Variants in SIPA1L3 observed in about 807,000 individuals in gnomAD.
SIPA1L3 encodes the protein signal-induced proliferation-associated 1-like protein 3.
Under a neutral mutation model 150.1 loss-of-function variants are expected in SIPA1L3, and 59 were observed. The ratio of observed to expected loss-of-function variants is 0.39; its 90% confidence interval spans 0.32 to 0.49. SIPA1L3 has a LOEUF of 0.49. SIPA1L3 is among the 20% of genes least tolerant of loss of function. SIPA1L3 has a pLI of 0.86. For synonymous variants in SIPA1L3, 1,070 were observed against 1,077.6 expected (o/e 0.99, Z 0.14); for missense variants, 2,211 against 2,489.5 (o/e 0.89, Z 2.38).
chr19:37,953,608 C>G (rs941451743), intron 1 of SIPA1L3, among the ~76,000 whole-genome samples: 4 of 152,168 alleles, frequency 2.6e-5, no homozygotes, highest in African/African-American at 4.8e-5. Context: ...CCCTTTTACT[C>G]GAATGAAAGG....
chr19:38,026,639 AGTT>A (rs1968516793), intron 1 of SIPA1L3, among the ~76,000 whole-genome samples: 1 of 152,006 alleles, frequency 6.6e-6, no homozygotes, highest in Non-Finnish European at 1.5e-5. Context: ...CACACTCCCC[AGTT>A]GTTCTTTTCC....
chr19:38,039,918 C>T (rs1386825229), intron 2 of SIPA1L3, among the ~76,000 whole-genome samples: 1 of 152,018 alleles, frequency 6.6e-6, no homozygotes, highest in Non-Finnish European at 1.5e-5. Flanking sequence ...GAGTTTGAGA[C>T]CAGCCAGGGC....
rs911315164 is a variant in SIPA1L3, at chr19:38,018,310, C to T, written c.-378-10779C>T. On this transcript the variant is annotated intron_variant, in intron 1 of 21. Coordinates refer to ENST00000222345, the MANE Select transcript of SIPA1L3 (RefSeq NM_015073.3). ...TGCAGAGTAGCTGGGATCACAAGCG[C>T]GCACCATCACGCCTGGCAAATTTTT... Among the ~76,000 whole-genome samples the T allele has an allele frequency of 4.6e-5, 7 of 151,790 alleles. No homozygotes were observed. The South Asian group carries it at 6.3e-4, about 14-fold the overall frequency.
chr19:38,061,856 G>A (rs1198030958), intron 2 of SIPA1L3, among the ~76,000 whole-genome samples: 2 of 150,780 alleles, frequency 1.3e-5, no homozygotes, highest in East Asian at 3.9e-4. Context: ...TTGGTTATCT[G>A]GTTGGTTTGG....
At chr19:38,057,000 G>A (rs915253293) in intron 2 of SIPA1L3, among the ~76,000 whole-genome samples, 20 of 152,154 alleles carry the variant, frequency 1.3e-4, no homozygotes, top group Non-Finnish European at 2.5e-4. Flanking sequence ...ACCGGGCGCG[G>A]TGGCTCAACG....
At chr19:38,009,947 A>G (rs977502651) in intron 1 of SIPA1L3, among the ~76,000 whole-genome samples, 1 of 152,136 alleles carries the variant, frequency 6.6e-6, no homozygotes, top group African/African-American at 2.4e-5. Flanking sequence ...TGTTTCTCAC[A>G]GGTGTTTGCC....
chr19:38,170,838 G>A (rs1972312279), intron 15 of SIPA1L3, among the ~76,000 whole-genome samples: 1 of 152,046 alleles, frequency 6.6e-6, no homozygotes, highest in African/African-American at 2.4e-5. Flanking sequence ...AAGGATGAGG[G>A]GGACAGGGAG....
At chr19:37,942,346 CTG>C (rs1478334023) in intron 1 of SIPA1L3, among the ~76,000 whole-genome samples, 1 of 151,698 alleles carries the variant, frequency 6.6e-6, no homozygotes, top group East Asian at 1.9e-4. Context: ...GGCTGGAAAA[CTG>C]GGGTCGTTGG....
chr19:38,020,935 G>A (rs1968360292), intron 1 of SIPA1L3, among the ~76,000 whole-genome samples: 1 of 152,116 alleles, frequency 6.6e-6, no homozygotes, highest in African/African-American at 2.4e-5. Context: ...CGAGTAGCTG[G>A]GACTACAGGC....
At chr19:38,121,751 ATAAAC>A (rs1971025177) in intron 9 of SIPA1L3, among the ~76,000 whole-genome samples, 1 of 138,180 alleles carries the variant, frequency 7.2e-6, no homozygotes. Flanking sequence ...AAAAAAATAA[ATAAAC>A]AAACAAAAAA....
chr19:38,110,583 A>G (rs1258241283), intron 8 of SIPA1L3, among the ~76,000 whole-genome samples, 199 bp downstream of exon 8: 1 of 152,216 alleles, frequency 6.6e-6, no homozygotes. Flanking sequence ...TAAGGAAACC[A>G]TCAGGGATTT....
intron 1 of SIPA1L3, among the ~76,000 whole-genome samples, chr19:37,933,104 A>G (rs2046570208): frequency 6.6e-6 from 1 of 152,088 alleles, no homozygotes. Context: ...AAACTGCTTC[A>G]AGCCTGGGCA....
At chr19:38,054,635 GA>G (rs11300829) in intron 2 of SIPA1L3, among the ~76,000 whole-genome samples, 59,527 of 151,722 alleles carry the variant, frequency 0.39, 12,896 homozygotes, top group African/African-American at 0.58. Flanking sequence ...AAGTTTAGGG[GA>G]AAAAAAAATC....
intron 9 of SIPA1L3, among the ~76,000 whole-genome samples, chr19:38,124,247 G>C (rs1484872141): frequency 6.6e-6 from 1 of 151,116 alleles, no homozygotes; most frequent in East Asian, 2.0e-4. Context: ...TTCTCAGATG[G>C]GGCGGTTGCC....
chr19:38,194,373 C>T (rs1266764739), intron 18 of SIPA1L3, among the ~76,000 whole-genome samples: 1 of 150,852 alleles, frequency 6.6e-6, no homozygotes, highest in East Asian at 2.0e-4. Context: ...CTCCTAACCC[C>T]CCCACAACTG....
intron 2 of SIPA1L3, among the ~76,000 whole-genome samples, chr19:38,055,141 A>G (rs1020584797): frequency 6.6e-6 from 1 of 152,166 alleles, no homozygotes; most frequent in Non-Finnish European, 1.5e-5. Context: ...TAGCTGTAAA[A>G]TGATCTGGTA....
chr19:38,203,066 A>C (rs1007943771), intron 20 of SIPA1L3, among the ~76,000 whole-genome samples: 1 of 152,184 alleles, frequency 6.6e-6, no homozygotes, highest in Non-Finnish European at 1.5e-5. Flanking sequence ...CCATCCGTGC[A>C]CTGTACTTCA....
chr19:37,997,582 A>AAAT (rs1568494313), intron 1 of SIPA1L3, among the ~76,000 whole-genome samples: 1 of 135,846 alleles, frequency 7.4e-6, no homozygotes, highest in Admixed American at 7.6e-5. Flanking sequence ...AAAAAAAAAA[A>AAAT]AAAAGGCCGG....
intron 1 of SIPA1L3, among the ~76,000 whole-genome samples, chr19:37,985,770 G>A (rs762388828): frequency 1.1e-4 from 17 of 152,134 alleles, no homozygotes; most frequent in African/African-American, 3.1e-4. Flanking sequence ...TGACTTTGGC[G>A]TCTAGGAAGA....
Sources: allele counts gnomAD v4.1 joint callset (sites outside exome capture counted in the v4.1 genomes callset), GRCh38; gene constraint gnomAD v4.1.1; transcripts MANE v1.5; gene names NCBI Gene and HGNC (gene_info 2026-07-23, HGNC 2026-07-21).